Variants in FBXO21 observed in about 807,000 individuals in gnomAD.
The protein encoded by FBXO21 is F-box only protein 21.
In FBXO21, 32 loss-of-function variants were observed where a neutral mutation model predicts 76.6. The ratio of observed to expected loss-of-function variants is 0.42; its 90% CI spans 0.32 to 0.56. The LOEUF is 0.56. Ranked by LOEUF, FBXO21 falls within the 20% of genes least tolerant of loss-of-function variation. The probability of loss-of-function intolerance (pLI) is 0.16; values close to 1 mark genes in which losing one functional copy is unlikely to be tolerated. For missense variants in FBXO21, 586 were observed against 797.3 expected (o/e 0.73, Z 3.19); for synonymous variants, 328 against 311.5 (o/e 1.05, Z -0.56).
chr12:117,158,829 T>C (rs1345112811), intron 9 of FBXO21, among the ~76,000 whole-genome samples: 3 of 152,228 alleles, frequency 2.0e-5, no homozygotes, highest in African/African-American at 4.8e-5. Flanking sequence ...CCGCCTCTAC[T>C]GCACACAGTG....
chr12:117,146,983 C>T (rs752744885), intron 11 of FBXO21, among the ~76,000 whole-genome samples: 12 of 152,118 alleles, frequency 7.9e-5, no homozygotes, highest in Non-Finnish European at 1.3e-4. Flanking sequence ...TGGCTTATAC[C>T]TGTAATCCCA....
At chr12:117,183,234 G>GT (rs1237321518) in intron 3 of FBXO21, among the ~76,000 whole-genome samples, 1 of 151,066 alleles carries the variant, frequency 6.6e-6, no homozygotes, top group Non-Finnish European at 1.5e-5. Flanking sequence ...TAAAATGGCA[G>GT]TATCTCATTG....
chr12:117,149,263 G>C (rs547768288), intron 11 of FBXO21, among the ~76,000 whole-genome samples: 8 of 152,282 alleles, frequency 5.3e-5, no homozygotes, highest in African/African-American at 1.9e-4. Context: ...GCCTCCCAAA[G>C]TGTTGGGATT....
intron 11 of FBXO21, among the ~76,000 whole-genome samples, chr12:117,151,238 C>G (rs1432456957): frequency 1.3e-5 from 2 of 152,058 alleles, no homozygotes; most frequent in African/African-American, 4.8e-5. Context: ...GGAGGCGGGA[C>G]AGGAGCGGCA....
Position 117,145,134 on chromosome 12 carries a change from T to C in FBXO21, c.*953A>G, listed in dbSNP as rs1459905082. ...GATTACAAAAGCAAAACCTCATTTT[T>C]TGGTCTTTGAAGACCATGGAGTATG... On this transcript the variant is annotated 3_prime_UTR_variant, in exon 12 of 12. Transcript: ENST00000622495. The C allele has an allele frequency of 6.6e-6, 1 of 151,964 alleles. No individual in the cohort carries two copies. The highest frequency in any genetic ancestry group is 2.4e-5 in the African/African-American group (1 of 41,392). 9.4% of individuals were successfully genotyped at this position (151,964 alleles called of 1,614,324 possible).
chr12:117,174,588 A>G (rs1458860390), intron 5 of FBXO21, 63 bp downstream of exon 5: 1 of 1,562,852 alleles, frequency 6.4e-7, no homozygotes, highest in African/African-American at 1.4e-5. Context: ...CAAATCTCTC[A>G]AATTAACCAA....
At chr12:117,186,454 T>C in intron 3 of FBXO21, 23 bp downstream of exon 3, 5 of 1,512,352 alleles carry the variant, frequency 3.3e-6, no homozygotes, top group Non-Finnish European at 4.6e-6. Context: ...AGCAAACAAA[T>C]CCCTGCTAAA....
At chr12:117,151,943 G>T (rs559332361) in intron 11 of FBXO21, among the ~76,000 whole-genome samples, 1 of 152,150 alleles carries the variant, frequency 6.6e-6, no homozygotes, top group African/African-American at 2.4e-5. Flanking sequence ...GAGTGACCAC[G>T]TGGATTTCTT....
intron 3 of FBXO21, among the ~76,000 whole-genome samples, chr12:117,178,886 T>G (rs1372347687): frequency 6.6e-6 from 1 of 152,176 alleles, no homozygotes; most frequent in East Asian, 1.9e-4. Flanking sequence ...CACTACAGTA[T>G]AAGCCCCATG....
In FBXO21 at chr12:117,174,712, C is replaced by T; in HGVS notation, c.678G>A (p.Glu226=). The T allele has an allele frequency of 1.9e-6, 3 of 1,614,184 alleles. No individual in the cohort carries two copies. Among genetic ancestry groups the T allele is most frequent in the Non-Finnish European group, 2.5e-6 (3 of 1,180,034 alleles). The change falls in exon 5 of 12, where the codon GAG becomes GAA. Residue 226 remains glutamate (E), a synonymous_variant. Transcript: ENST00000622495. ...TGCCCCGAAGGGTTTTGCAAACAAG[C>T]TCCACGATGCTGTCAATTTGGGCCT... is the stretch of plus-strand genomic sequence containing the variant. ...DIQAQIDSIV[E]LVCKTLRGIN...
At chr12:117,173,661 G>T (rs1343846166) in intron 6 of FBXO21, among the ~76,000 whole-genome samples, 2 of 152,196 alleles carry the variant, frequency 1.3e-5, no homozygotes. Flanking sequence ...CAGAGTCAGA[G>T]AAATATCTAT....
intron 9 of FBXO21, 129 bp from the exon 10 acceptor site, chr12:117,158,192 G>T: frequency 1.0e-6 from 1 of 996,958 alleles, no homozygotes; most frequent in Non-Finnish European, 1.5e-6. Context: ...GCTATGCCCT[G>T]ATCGAACCGG....
At chr12:117,167,649 A>G (rs1191479652) in intron 7 of FBXO21, among the ~76,000 whole-genome samples, 2 of 151,878 alleles carry the variant, frequency 1.3e-5, no homozygotes, top group Non-Finnish European at 2.9e-5. Flanking sequence ...GCTGAGGCAG[A>G]AGAATGGTGT....
At chr12:117,153,677 G>A (rs1592870062) in intron 11 of FBXO21, among the ~76,000 whole-genome samples, 2 of 150,476 alleles carry the variant, frequency 1.3e-5, no homozygotes, top group Middle Eastern at 3.4e-3. Flanking sequence ...CCAGGACTCC[G>A]AGTCCCTCAG....
chr12:117,174,877 T>C (rs1592890281), intron 4 of FBXO21, 80 bp from the exon 5 acceptor site: 1 of 1,449,570 alleles, frequency 6.9e-7, no homozygotes, highest in African/African-American at 1.4e-5. Context: ...CTGGACATCC[T>C]GGGACATGGC....
At chr12:117,179,222 T>C (rs952000245) in intron 3 of FBXO21, among the ~76,000 whole-genome samples, 12 of 152,220 alleles carry the variant, frequency 7.9e-5, no homozygotes, top group African/African-American at 2.7e-4. Context: ...AGTAGCTTAA[T>C]GAATCATTAC....
intron 9 of FBXO21, among the ~76,000 whole-genome samples, chr12:117,158,749 G>A (rs931609189): frequency 2.0e-5 from 3 of 152,322 alleles, no homozygotes; most frequent in African/African-American, 7.2e-5. Flanking sequence ...GCAGGCAGCA[G>A]GAGAAACTAC....
chr12:117,147,633 AAGG>A (rs1955790968), intron 11 of FBXO21, among the ~76,000 whole-genome samples: 1 of 150,532 alleles, frequency 6.6e-6, no homozygotes, highest in African/African-American at 2.4e-5. Flanking sequence ...TAATACAGGC[AAGG>A]TATTTAAAAG....
At chr12:117,182,525 C>T (rs1956244430) in intron 3 of FBXO21, among the ~76,000 whole-genome samples, 1 of 147,278 alleles carries the variant, frequency 6.8e-6, no homozygotes. Flanking sequence ...TGGCTCACAC[C>T]TGTAATCCCA....
Sources: allele counts gnomAD v4.1 joint callset (sites outside exome capture counted in the v4.1 genomes callset), GRCh38; gene constraint gnomAD v4.1.1; transcripts MANE v1.5; gene names NCBI Gene and HGNC (gene_info 2026-07-23, HGNC 2026-07-21).